Variants in PCSK5 observed in about 807,000 individuals in gnomAD.
PCSK5 encodes the protein proprotein convertase subtilisin/kexin type 5, also known as prohormone convertase 5.
In PCSK5, 129 loss-of-function variants were observed where a neutral mutation model predicts 233.2. The ratio of observed to expected loss-of-function variants is 0.55; its 90% confidence interval spans 0.48 to 0.64. PCSK5 has a LOEUF of 0.64. PCSK5 is among the 30% of genes least tolerant of loss of function. The pLI is 0.00. For synonymous variants in PCSK5, 825 were observed against 879.2 expected, an observed-to-expected ratio of 0.94 and a Z score of 1.09; for missense variants, 2,076 against 2,430.1, an observed-to-expected ratio of 0.85 and a Z score of 3.06.
At chr9:76,300,628 A>C (rs1828570600) in intron 27 of PCSK5, among the ~76,000 whole-genome samples, 1 of 152,228 alleles carries the variant, frequency 6.6e-6, no homozygotes, top group South Asian at 2.1e-4. Context: ...TTCAGAATTC[A>C]AATTTATTGC....
chr9:76,105,361 G>C (rs1831934145), intron 8 of PCSK5, among the ~76,000 whole-genome samples: 1 of 152,172 alleles, frequency 6.6e-6, no homozygotes, highest in Non-Finnish European at 1.5e-5. Context: ...GAAGAACGGT[G>C]GTTGCCAGGG....
At chr9:75,958,469 G>C (rs1825192973) in intron 2 of PCSK5, among the ~76,000 whole-genome samples, 1 of 152,172 alleles carries the variant, frequency 6.6e-6, no homozygotes, top group Non-Finnish European at 1.5e-5. Context: ...TCTGTTTTCT[G>C]AGTACCCATG....
intron 32 of PCSK5, among the ~76,000 whole-genome samples, chr9:76,325,574 T>C (rs1458585696): frequency 6.6e-6 from 1 of 152,222 alleles, no homozygotes; most frequent in African/African-American, 2.4e-5. Flanking sequence ...ACTTGCTCAA[T>C]GTGACCCCAC....
Position 76,361,530 on chromosome 9 carries a change from C to T in PCSK5, c.*2608C>T, listed in dbSNP as rs1390573524. 2.0e-5 allele frequency: 3 copies of T among 151,850 alleles called. No homozygotes were observed. Among genetic ancestry groups the T allele is most frequent in the Admixed American group, 6.6e-5 (1 of 15,252 alleles). The allele number at this position is 151,850 out of a possible 1,614,324, so 9.4% of individuals were successfully genotyped here. A position where few individuals can be genotyped will look rare whatever the true frequency, so the allele number is the denominator to read the frequency against. On this transcript the variant is annotated 3_prime_UTR_variant, in exon 38 of 38. Coordinates refer to ENST00000674117, the MANE Select transcript of PCSK5 (RefSeq NM_001372043.1). ...GCCTTGGACAACATAGTGAGACTCC[C>T]GTGTCTACAAAAAATTTAAAAATTA...
At position 76,009,330 on chromosome 9, in the gene PCSK5, G is replaced by GT. The variant is rs368838966; in HGVS notation, c.412-14404dup. On this transcript the variant is annotated intron_variant, in intron 3 of 37. Coordinates refer to ENST00000674117, the MANE Select transcript of PCSK5 (RefSeq NM_001372043.1). ...AAATGAATTGATGTTCTACTTAATG[G>GT]TTTTCTCTTCATGTTTGATTTTTCA... 6.3e-3 allele frequency among the ~76,000 whole-genome samples: 949 copies of GT among 151,828 alleles called. 11 individuals are homozygous for GT. The highest frequency in any genetic ancestry group is 0.02 in the African/African-American group (843 of 41,400).
At chr9:75,985,119 A>C (rs144262769) in intron 2 of PCSK5, among the ~76,000 whole-genome samples, 1 of 152,176 alleles carries the variant, frequency 6.6e-6, no homozygotes, top group African/African-American at 2.4e-5. Flanking sequence ...AAATCAAACA[A>C]AGGAGCATTT....
intron 1 of PCSK5, among the ~76,000 whole-genome samples, chr9:75,917,636 C>G (rs1823063060): frequency 6.6e-6 from 1 of 152,176 alleles, no homozygotes; most frequent in Admixed American, 6.5e-5. Context: ...AGAGGAGACA[C>G]TGATAATTTA....
intron 1 of PCSK5, among the ~76,000 whole-genome samples, chr9:75,901,072 C>T (rs1826010030): frequency 6.6e-6 from 1 of 152,076 alleles, no homozygotes. Context: ...AGTGGCGAGT[C>T]AGAGGAATTC....
intron 13 of PCSK5, 46 bp downstream of exon 13, chr9:76,169,886 T>C: frequency 6.5e-7 from 1 of 1,539,266 alleles, no homozygotes; most frequent in Non-Finnish European, 8.9e-7. Flanking sequence ...TAGAAGAAAA[T>C]GATGGAGTAT....
At chr9:76,007,263 T>A (rs746756321) in intron 3 of PCSK5, among the ~76,000 whole-genome samples, 5 of 152,236 alleles carry the variant, frequency 3.3e-5, no homozygotes, top group Non-Finnish European at 7.3e-5. Flanking sequence ...TTTCAGTGTG[T>A]TTCACTTAGG....
chr9:76,079,347 C>T (rs1429285898), intron 7 of PCSK5, among the ~76,000 whole-genome samples: 3 of 151,890 alleles, frequency 2.0e-5, no homozygotes, highest in Admixed American at 6.6e-5. Context: ...CCATGTTGGC[C>T]GGGTTGGTCT....
At chr9:76,076,464 C>T (rs369245224) in intron 7 of PCSK5, among the ~76,000 whole-genome samples, 3 of 151,988 alleles carry the variant, frequency 2.0e-5, no homozygotes, top group African/African-American at 7.3e-5. Flanking sequence ...TTGAAGTGGT[C>T]CAGGAGAGTG....
intron 2 of PCSK5, among the ~76,000 whole-genome samples, chr9:75,977,058 G>T (rs974724539): frequency 6.6e-6 from 1 of 152,128 alleles, no homozygotes; most frequent in Non-Finnish European, 1.5e-5. Context: ...TCATTGAGTT[G>T]ATTCAAACCT....
At chr9:76,325,461 C>T (rs1057107643) in intron 32 of PCSK5, among the ~76,000 whole-genome samples, 11 of 152,160 alleles carry the variant, frequency 7.2e-5, no homozygotes, top group African/African-American at 2.4e-4. Flanking sequence ...CCTTCTCCCA[C>T]CACCAGTAAT....
chr9:76,229,129 T>G (rs1443651985), intron 21 of PCSK5, among the ~76,000 whole-genome samples: 1 of 152,236 alleles, frequency 6.6e-6, no homozygotes, highest in Admixed American at 6.5e-5. Context: ...TTTCCAAGTG[T>G]CTCTTTAAAA....
At chr9:76,050,993 T>TTTTACCTTAA (rs1829609944) in intron 5 of PCSK5, among the ~76,000 whole-genome samples, 1 of 152,098 alleles carries the variant, frequency 6.6e-6, no homozygotes, top group African/African-American at 2.4e-5. Context: ...CCCATGCTCA[T>TTTTACCTTAA]AAGAGCAATA....
At position 76,332,593 on chromosome 9, in the gene PCSK5, G is replaced by T; in HGVS notation, c.4731G>T (p.Leu1577=). 1 of 1,594,806 alleles carries T rather than the reference G, an allele frequency of 6.3e-7. No homozygotes were observed. The highest frequency in any genetic ancestry group is 1.1e-5 in the South Asian group (1 of 89,042). Residue 1577 remains leucine, a synonymous_variant, in exon 34 of 38, where the codon CTG becomes CTT. Coordinates refer to ENST00000674117, the MANE Select transcript of PCSK5 (RefSeq NM_001372043.1). ...PGWFQLGKEC[L]LQCREGYYAD... ...GGTTCCAGCTAGGAAAAGAGTGCCTGCTCCAGTGCAGGGAAGGGTAAGTGC... is the reference window on the plus strand; with the variant it reads ...GGTTCCAGCTAGGAAAAGAGTGCCTTCTCCAGTGCAGGGAAGGGTAAGTGC...
chr9:75,985,007 C>G (rs1056380440), intron 2 of PCSK5, among the ~76,000 whole-genome samples: 1 of 152,076 alleles, frequency 6.6e-6, no homozygotes, highest in East Asian at 1.9e-4. Flanking sequence ...CACAAAGCTC[C>G]CTTCCTCCCC....
At chr9:76,076,361 A>G (rs1044987108) in intron 7 of PCSK5, among the ~76,000 whole-genome samples, 3 of 152,180 alleles carry the variant, frequency 2.0e-5, no homozygotes, top group Admixed American at 2.0e-4. Context: ...ACTAAACAGA[A>G]TTGTGGCCTG....
Sources: gnomAD v4.1 joint callset for allele counts (sites outside exome capture counted in the v4.1 genomes callset) on GRCh38, gnomAD v4.1.1 for gene constraint, MANE v1.5 for transcripts, NCBI Gene and HGNC (gene_info 2026-07-23, HGNC 2026-07-21) for gene names.